CDH20: variants seen among roughly 807,000 people sequenced by gnomAD.
CDH20 encodes the protein cadherin 20.
Under a neutral mutation model 74.2 loss-of-function variants are expected in CDH20, and 29 were observed. That is an observed-to-expected ratio of 0.39 (90% CI 0.29 to 0.53). The LOEUF (loss-of-function observed/expected upper bound fraction) is 0.53. Among genes scored for constraint, CDH20 ranks in the 20% least tolerant of loss-of-function variants. The pLI is 0.69. For missense variants in CDH20, 988 were observed against 1,048.3 expected (o/e 0.94, Z 0.79); for synonymous variants, 469 against 405.4 (o/e 1.16, Z -1.88).
chr18:61,528,273 T>A, intron 7 of CDH20, 53 bp downstream of exon 7: 1 of 1,565,908 alleles, frequency 6.4e-7, no homozygotes, highest in South Asian at 1.1e-5. Flanking sequence ...TCCCTTCCCT[T>A]GTATGTAATT....
chr18:61,554,678 C>A lies in CDH20; in HGVS notation c.2389C>A (p.Pro797Thr), dbSNP rs1197069909. The change falls in exon 12 of 12, where the codon CCC becomes ACC. Residue 797 changes from proline to threonine, a missense_variant. Physicochemically the swap from Pro to Thr is conservative, Grantham distance 38. This residue lies in a region of CDH20 where 375 missense variants were observed against 293.1 expected (regional missense o/e 1.28). Coordinates refer to ENST00000262717, the MANE Select transcript of CDH20 (RefSeq NM_031891.4). Reference protein sequence around the residue: ...LAELYGASEGPAPLW With the variant: ...LAELYGASEGTAPLW ...CGAGCTCTACGGGGCGTCGGAGGGA[C>A]CCGCGCCGCTGTGGTGACGGAAGCC... The A allele has an allele frequency of 3.8e-6, 6 of 1,575,632 alleles. No homozygotes were observed. The highest frequency in any genetic ancestry group is 5.2e-6 in the Non-Finnish European group (6 of 1,160,228).
intron 1 of CDH20, among the ~76,000 whole-genome samples, chr18:61,434,599 C>G (rs77001642): frequency 0.048 from 7,351 of 152,040 alleles, 200 homozygotes; most frequent in Middle Eastern, 0.12. Context: ...TAGACACTTA[C>G]CCACTTCTCC....
intron 8 of CDH20, among the ~76,000 whole-genome samples, chr18:61,538,595 T>G (rs1458980846): frequency 2.7e-5 from 1 of 37,214 alleles, no homozygotes. Context: ...TTTGTTTGTT[T>G]GTTTTTGTTT....
chr18:61,335,550 A>G (rs899735423), intron 1 of CDH20, among the ~76,000 whole-genome samples: 2 of 152,242 alleles, frequency 1.3e-5, no homozygotes, highest in African/African-American at 4.8e-5. Context: ...CTTAGAGTCT[A>G]CTTAGGCTGT....
intron 6 of CDH20, among the ~76,000 whole-genome samples, chr18:61,527,582 G>A (rs1356814512): frequency 1.3e-5 from 2 of 152,108 alleles, no homozygotes; most frequent in African/African-American, 2.4e-5. Context: ...TTTGATTTTA[G>A]AACTGAGACA....
At chr18:61,362,054 T>G (rs370423842) in intron 1 of CDH20, among the ~76,000 whole-genome samples, 3 of 152,108 alleles carry the variant, frequency 2.0e-5, no homozygotes, top group South Asian at 4.1e-4. Context: ...TCACCCAGGG[T>G]CACACAGCAA....
intron 1 of CDH20, among the ~76,000 whole-genome samples, chr18:61,415,239 T>C (rs1912644555): frequency 6.6e-6 from 1 of 152,184 alleles, no homozygotes; most frequent in Admixed American, 6.5e-5. Context: ...TCATTTATCA[T>C]CTGAGTCCAA....
At chr18:61,499,134 T>G in intron 2 of CDH20, 52 bp from the exon 3 acceptor site, 3 of 1,396,422 alleles carry the variant, frequency 2.1e-6, no homozygotes, top group Non-Finnish European at 2.9e-6. Flanking sequence ...TCAATGTGTT[T>G]TCTGACACCT....
intron 1 of CDH20, among the ~76,000 whole-genome samples, chr18:61,339,617 T>G (rs1340629071): frequency 1.3e-5 from 2 of 151,562 alleles, no homozygotes; most frequent in African/African-American, 2.4e-5. Flanking sequence ...ATCAACTAAT[T>G]AAAGGGTAAC....
chr18:61,344,470 C>A (rs1390387643), intron 1 of CDH20, among the ~76,000 whole-genome samples: 1 of 152,192 alleles, frequency 6.6e-6, no homozygotes. Flanking sequence ...CTCATCCTTT[C>A]AGCAGGGATG....
At chr18:61,422,550 T>G (rs1003293972) in intron 1 of CDH20, among the ~76,000 whole-genome samples, 1 of 152,108 alleles carries the variant, frequency 6.6e-6, no homozygotes, top group Admixed American at 6.5e-5. Context: ...AGAAGAAAAC[T>G]CCACAGTTAT....
At chr18:61,368,603 A>G (rs1400559754) in intron 1 of CDH20, among the ~76,000 whole-genome samples, 1 of 152,136 alleles carries the variant, frequency 6.6e-6, no homozygotes, top group African/African-American at 2.4e-5. Context: ...TGATACTATT[A>G]TGTCTAAATA....
chr18:61,517,870 C>T (rs1555682505), intron 6 of CDH20, among the ~76,000 whole-genome samples: 1 of 152,172 alleles, frequency 6.6e-6, no homozygotes, highest in Non-Finnish European at 1.5e-5. Flanking sequence ...GATCCACTGG[C>T]TTGAAATTCC....
chr18:61,364,431 G>C (rs990946288), intron 1 of CDH20, among the ~76,000 whole-genome samples: 4 of 152,154 alleles, frequency 2.6e-5, no homozygotes, highest in Non-Finnish European at 4.4e-5. Context: ...TCCTGCCTTA[G>C]CCTCCCTAGT....
intron 7 of CDH20, among the ~76,000 whole-genome samples, chr18:61,532,695 C>T (rs993859612): frequency 6.6e-6 from 1 of 152,104 alleles, no homozygotes; most frequent in African/African-American, 2.4e-5. Context: ...AAATTGATTT[C>T]ACAATCCACT....
intron 1 of CDH20, among the ~76,000 whole-genome samples, chr18:61,413,074 T>G (rs1033287205): frequency 1.3e-5 from 2 of 152,210 alleles, no homozygotes; most frequent in African/African-American, 4.8e-5. Flanking sequence ...AGTACTTATT[T>G]TATCTTTCTC....
intron 1 of CDH20, among the ~76,000 whole-genome samples, chr18:61,343,365 G>C (rs1257149389): frequency 6.6e-6 from 1 of 152,146 alleles, no homozygotes; most frequent in Non-Finnish European, 1.5e-5. Flanking sequence ...GGGTCAAAAA[G>C]GCTGATATGA....
At chr18:61,495,087 T>C (rs1164512881) in intron 2 of CDH20, among the ~76,000 whole-genome samples, 1 of 152,204 alleles carries the variant, frequency 6.6e-6, no homozygotes, top group Non-Finnish European at 1.5e-5. Flanking sequence ...TAAAATATTT[T>C]TTTAGGAAGG....
intron 6 of CDH20, among the ~76,000 whole-genome samples, chr18:61,515,098 A>C (rs1024686945): frequency 2.2e-4 from 33 of 151,672 alleles, no homozygotes; most frequent in South Asian, 4.2e-4. Flanking sequence ...CCTCCCCCAG[A>C]CTCGCTGCCA....
Sources: gnomAD v4.1 joint callset for allele counts (sites outside exome capture counted in the v4.1 genomes callset) on GRCh38, gnomAD v4.1.1 for gene constraint, gnomAD v4.1.1 regional missense constraint, MANE v1.5 for transcripts, NCBI Gene and HGNC (gene_info 2026-07-23, HGNC 2026-07-21) for gene names.